MLH3: variants seen among roughly 807,000 people sequenced by gnomAD.
MLH3 encodes the protein DNA mismatch repair protein Mlh3.
Under a neutral mutation model 122.2 loss-of-function variants are expected in MLH3, and 82 were observed. That is an observed-to-expected ratio of 0.67 (90% CI 0.56 to 0.81). MLH3 has a LOEUF of 0.81. Among genes scored for constraint, MLH3 ranks in the 30% least tolerant of loss-of-function variants. The pLI is 0.00. For missense variants in MLH3, 1,539 were observed against 1,714.5 expected (o/e 0.90, Z 1.81); for synonymous variants, 524 against 599.5 (o/e 0.87, Z 1.84).
At chr14:75,045,742 C>A (rs1361290799) in intron 2 of MLH3, among the ~76,000 whole-genome samples, 1 of 152,114 alleles carries the variant, frequency 6.6e-6, no homozygotes, top group African/African-American at 2.4e-5. Flanking sequence ...TTAATAGTAT[C>A]ATTTTTATTA....
At chr14:75,037,009 A>T (rs532951557) in intron 6 of MLH3, among the ~76,000 whole-genome samples, 1 of 152,214 alleles carries the variant, frequency 6.6e-6, no homozygotes, top group East Asian at 1.9e-4. Context: ...ATGTGATGTG[A>T]CATGTACCAC....
chr14:75,047,989 T>A lies in MLH3; in HGVS notation c.1667A>T (p.Asp556Val), dbSNP rs756735305. The A allele has an allele frequency of 1.2e-6, 2 of 1,614,144 alleles. No individual in the cohort carries two copies. Among genetic ancestry groups the A allele is most frequent in the South Asian group, 1.1e-5 (1 of 91,070 alleles). The change falls in exon 2 of 13, where the codon GAT becomes GTT. Residue 556 changes from aspartate to valine, a missense_variant. Physicochemically the swap from Asp to Val is radical, Grantham distance 152. Coordinates refer to ENST00000355774, the MANE Select transcript of MLH3 (RefSeq NM_001040108.2). ...RIQNQPKRFK[D>V]ATEVGCQPLP... is the part of the protein sequence containing the mutation. The stretch of plus-strand genomic sequence containing the variant: ...AGGCTGGCATCCCACTTCAGTAGCA[T>A]CTTTAAATCTCTTTGGTTGATTCTG...
intron 2 of MLH3, among the ~76,000 whole-genome samples, chr14:75,043,681 G>C (rs562662650): frequency 6.6e-6 from 1 of 152,166 alleles, no homozygotes; most frequent in Non-Finnish European, 1.5e-5. Context: ...GTGAAATAAG[G>C]TTTATAACTA....
intron 1 of MLH3, 61 bp from the exon 2 acceptor site, chr14:75,049,779 G>T: frequency 1.0e-6 from 1 of 980,732 alleles, no homozygotes; most frequent in Non-Finnish European, 1.6e-6. Context: ...ACAGCATTAT[G>T]AAGAAATAGC....
intron 12 of MLH3, among the ~76,000 whole-genome samples, chr14:75,017,550 A>T (rs1889972775): frequency 1.3e-5 from 2 of 152,170 alleles, no homozygotes; most frequent in Admixed American, 1.3e-4. Context: ...CAAAAAAAAA[A>T]AATTGAAAAT....
chr14:75,042,369 C>T lies in MLH3; in HGVS notation c.3379+10G>A, dbSNP rs777706331. ...GTACTGTGTGCCCCAGCACTCTCTG[C>T]CACCCTTACCTCTGTTATCCTGTCT... On this transcript the variant is annotated intron_variant, in intron 3 of 12. Transcript: ENST00000355774. 1 of 1,612,234 alleles carries T rather than the reference C, an allele frequency of 6.2e-7. No homozygotes were observed. Among genetic ancestry groups the T allele is most frequent in the South Asian group, 1.1e-5 (1 of 91,038 alleles).
At position 75,043,861 on chromosome 14, in the gene MLH3, G is replaced by A. The variant is rs564198296; in HGVS notation, c.3281-1384C>T. 1.3e-4 allele frequency among the ~76,000 whole-genome samples: 20 copies of A among 152,192 alleles called. No homozygotes were observed. The South Asian group carries it at 2.3e-3, about 17-fold the overall frequency. ...TCCCAGCACTTTGGGAGGCCGAGGCGGGCAGATCACCTGAGGTTGGGAGTT... is the reference window on the plus strand; with the variant it reads ...TCCCAGCACTTTGGGAGGCCGAGGCAGGCAGATCACCTGAGGTTGGGAGTT... On this transcript the variant is annotated intron_variant, in intron 2 of 12. Transcript: ENST00000355774.
At position 75,049,194 on chromosome 14, in the gene MLH3, C is replaced by T; in HGVS notation, c.462G>A (p.Gln154=). The change falls in exon 2 of 13, where the codon CAG becomes CAA. Residue 154 remains glutamine (Q), a synonymous_variant. Coordinates refer to ENST00000355774, the MANE Select transcript of MLH3 (RefSeq NM_001040108.2). ...TTVTVYNLFY[Q]LPVRRKCMDP... ...CCATGCATTTCCTCCTTACAGGAAG[C>T]TGGTAAAATAGGTTATACACTGTTA... 2 of 1,614,182 alleles carry T rather than the reference C, an allele frequency of 1.2e-6. No homozygotes were observed. The highest frequency in any genetic ancestry group is 2.7e-5 in the African/African-American group (2 of 75,054).
chr14:75,048,114 T>C lies in MLH3; in HGVS notation c.1542A>G (p.Thr514=). The change falls in exon 2 of 13, where the codon ACA becomes ACG. Residue 514 remains threonine, a synonymous_variant. Coordinates refer to ENST00000355774, the MANE Select transcript of MLH3 (RefSeq NM_001040108.2). The part of the protein sequence containing the change: ...SLEMFLSPFQ[T]PCHFEESGQD... ...GCCCACTCTCCTCAAAGTGACATGG[T>C]GTCTGAAAAGGGCTTAAAAACATTT... The C allele has an allele frequency of 6.2e-7, 1 of 1,614,206 alleles. No homozygotes were observed. Among genetic ancestry groups the C allele is most frequent in the Non-Finnish European group, 8.5e-7 (1 of 1,180,030 alleles).
chr14:75,041,471 C>G, intron 4 of MLH3, 144 bp downstream of exon 4: 1 of 696,034 alleles, frequency 1.4e-6, no homozygotes, highest in Non-Finnish European at 2.5e-6. Flanking sequence ...ATTGCTTGAA[C>G]CTGGGAAGCG....
Position 75,046,368 on chromosome 14 carries a change from G to A in MLH3, c.3280+8C>T, listed in dbSNP as rs544870680. 1.9e-5 allele frequency: 31 copies of A among 1,613,888 alleles called. No homozygotes were observed. In the African/African-American group the frequency reaches 2.9e-4, roughly 15 times the overall value. On this transcript the variant is annotated splice_region_variant and intron_variant, in intron 2 of 12. Transcript: ENST00000355774. ...AGCATCTCATGCACATGAATACTACGTACTTACCATTCTCAAGTACAACAT... is the reference window on the plus strand; with the variant it reads ...AGCATCTCATGCACATGAATACTACATACTTACCATTCTCAAGTACAACAT...
rs774338254 is a variant in MLH3 at position 75,046,997 on chromosome 14, T to C, written c.2659A>G (p.Thr887Ala). The change falls in exon 2 of 13, where the codon ACT becomes GCT. Residue 887 changes from threonine to alanine, a missense_variant. Thr to Ala is a moderately conservative substitution (Grantham distance 58). Coordinates refer to ENST00000355774, the MANE Select transcript of MLH3 (RefSeq NM_001040108.2). The part of the protein sequence containing the change: ...LSRLKGSERE[T>A]QTMGMMSRFN... ...CGACTCATCATCCCCATTGTTTGAG[T>C]TTCTCTTTCGGAACCCTTCAGTCTG... is the stretch of plus-strand genomic sequence containing the variant. 1.2e-6 allele frequency: 2 copies of C among 1,614,224 alleles called. No homozygotes were observed. Among genetic ancestry groups the C allele is most frequent in the Non-Finnish European group, 1.7e-6 (2 of 1,180,042 alleles).
chr14:75,049,702 T>G lies in MLH3; in HGVS notation c.-47A>C. On this transcript the variant is annotated 5_prime_UTR_variant, in exon 2 of 13. Coordinates refer to ENST00000355774, the MANE Select transcript of MLH3 (RefSeq NM_001040108.2). ...AATGCCAGGCACTGGTTTCCTTCTCTGACTGGAAATAATTGCCTATTGGAG... is the reference window on the plus strand; with the variant it reads ...AATGCCAGGCACTGGTTTCCTTCTCGGACTGGAAATAATTGCCTATTGGAG... 1.9e-6 allele frequency: 3 copies of G among 1,578,630 alleles called. No individual in the cohort carries two copies. Among genetic ancestry groups the G allele is most frequent in the Non-Finnish European group, 2.6e-6 (3 of 1,156,814 alleles).
chr14:75,024,169 TTTTTA>T (rs1416642022), intron 9 of MLH3, among the ~76,000 whole-genome samples: 4 of 152,180 alleles, frequency 2.6e-5, no homozygotes, highest in Admixed American at 6.5e-5. Flanking sequence ...TAATTTAATA[TTTTTA>T]TTTTATTTTT....
chr14:75,046,880 T>A lies in MLH3; in HGVS notation c.2776A>T (p.Lys926Ter), dbSNP rs1892271823. Residue 926 changes from lysine (K) to a stop codon, truncating the protein, a stop_gained, in exon 2 of 13, where the codon AAG becomes TAG. Transcript: ENST00000355774. LOFTEE classifies it high-confidence loss of function. ...ACACCATTCTCTGTTTTTTCATGCT[T>A]GTTGTTAAATAACATACAAAAATCT... ...TQDFCMLFNNKHEKTENGVIP... is the reference protein window; with the variant it reads ...TQDFCMLFNN 1 of 1,614,000 alleles carries A rather than the reference T, an allele frequency of 6.2e-7. No homozygotes were observed. The highest frequency in any genetic ancestry group is 8.5e-7 in the Non-Finnish European group (1 of 1,180,046).
rs175081 is a variant in MLH3 at position 75,047,180 on chromosome 14, T to C, written c.2476A>G (p.Asn826Asp). ...SSCQPASHIL[N>D]SEKFPFSKDE... ...TTGGAGAATGGAAACTTCTCTGAGT[T>C]AAGGATGTGGCTTGCTGGTTGACAA... The change falls in exon 2 of 13, where the codon AAC (asparagine) becomes GAC (aspartate). Residue 826 changes from asparagine to aspartate, a missense_variant. Coordinates refer to ENST00000355774, the MANE Select transcript of MLH3 (RefSeq NM_001040108.2). 1,610,904 of 1,614,180 alleles carry C rather than the reference T, an allele frequency of 1. 803,856 individuals are homozygous for C. The highest frequency in any genetic ancestry group is 1 in the East Asian group (44,871 of 44,872).
intron 2 of MLH3, among the ~76,000 whole-genome samples, chr14:75,045,621 A>G (rs1307425259): frequency 2.0e-5 from 3 of 152,192 alleles, no homozygotes; most frequent in African/African-American, 2.4e-5. Flanking sequence ...AACTTCCAGT[A>G]AAATACCATG....
intron 9 of MLH3, among the ~76,000 whole-genome samples, chr14:75,023,504 C>A (rs1427033326): frequency 6.6e-6 from 1 of 152,170 alleles, no homozygotes; most frequent in Non-Finnish European, 1.5e-5. Flanking sequence ...ACTTTAGTTC[C>A]CACGGGCTTT....
In MLH3 at chr14:75,042,379, C is replaced by A. The variant is rs1891914283; in HGVS notation, c.3379G>T (p.Asp1127Tyr). Reference protein sequence around the residue: ...ERTVMRQDNRDTVDDTVSSES... With the variant: ...ERTVMRQDNRYTVDDTVSSES... Reference sequence around the variant, plus strand: ...CCCCAGCACTCTCTGCCACCCTTACCTCTGTTATCCTGTCTCATCACAGTC... The same window carrying A: ...CCCCAGCACTCTCTGCCACCCTTACATCTGTTATCCTGTCTCATCACAGTC... Residue 1127 changes from aspartate to tyrosine, a missense_variant and splice_region_variant, in exon 3 of 13, where the codon GAT becomes TAT. Physicochemically the swap from Asp to Tyr is radical, Grantham distance 160 (BLOSUM62 -3). Coordinates refer to ENST00000355774, the MANE Select transcript of MLH3 (RefSeq NM_001040108.2). The A allele has an allele frequency of 6.2e-7, 1 of 1,613,636 alleles. No homozygotes were observed. The highest frequency in any genetic ancestry group is 8.5e-7 in the Non-Finnish European group (1 of 1,179,550).
Sources: allele counts gnomAD v4.1 joint callset (sites outside exome capture counted in the v4.1 genomes callset), GRCh38; gene constraint gnomAD v4.1.1; transcripts MANE v1.5; gene names NCBI Gene and HGNC (gene_info 2026-07-23, HGNC 2026-07-21).